ERC2: variants seen among roughly 807,000 people sequenced by gnomAD.
ERC2 encodes ERC protein 2.
In ERC2, 42 loss-of-function variants were observed where a neutral mutation model predicts 114.8. That is an observed-to-expected ratio of 0.37 (90% CI 0.29 to 0.47). The LOEUF is 0.47. Among genes scored for constraint, ERC2 ranks in the 20% least tolerant of loss-of-function variants. ERC2 has a pLI of 0.99. For synonymous variants in ERC2, 454 were observed against 425.5 expected (o/e 1.07, Z -0.82); for missense variants, 939 against 1,150.7 (o/e 0.82, Z 2.66).
At chr3:56,250,334 G>A (rs2052058403) in intron 3 of ERC2, among the ~76,000 whole-genome samples, 1 of 152,214 alleles carries the variant, frequency 6.6e-6, no homozygotes, top group South Asian at 2.1e-4. Context: ...CAAGAGACAG[G>A]AGTAGATCAG....
chr3:56,214,599 T>C (rs1488442248), intron 3 of ERC2, among the ~76,000 whole-genome samples: 1 of 151,830 alleles, frequency 6.6e-6, no homozygotes, highest in Non-Finnish European at 1.5e-5. Flanking sequence ...ACTTCCCCAA[T>C]CTAGCAAGGC....
intron 3 of ERC2, among the ~76,000 whole-genome samples, chr3:56,180,740 A>C (rs1197664502): frequency 6.6e-6 from 1 of 152,218 alleles, no homozygotes; most frequent in Non-Finnish European, 1.5e-5. Context: ...ACAACAATGT[A>C]AATATGCTTA....
chr3:56,115,118 T>C (rs190191640), intron 6 of ERC2, among the ~76,000 whole-genome samples: 5 of 152,298 alleles, frequency 3.3e-5, no homozygotes, highest in African/African-American at 9.6e-5. Flanking sequence ...TCTGGTCTTG[T>C]GGGCCCCAAG....
chr3:55,711,428 C>A (rs1481832332), intron 15 of ERC2, among the ~76,000 whole-genome samples: 1 of 152,162 alleles, frequency 6.6e-6, no homozygotes, highest in Non-Finnish European at 1.5e-5. Flanking sequence ...TTAATGCAAG[C>A]ACAGACACAC....
chr3:55,991,848 G>A (rs1239689598), intron 11 of ERC2, among the ~76,000 whole-genome samples: 3 of 152,170 alleles, frequency 2.0e-5, no homozygotes, highest in Non-Finnish European at 4.4e-5. Context: ...CTTCAACACT[G>A]AAGAAGTATA....
At chr3:55,640,550 A>G (rs17055591) in intron 17 of ERC2, among the ~76,000 whole-genome samples, 2,078 of 152,290 alleles carry the variant, frequency 0.014, 56 homozygotes, top group African/African-American at 0.048. Flanking sequence ...TTCCTCCCCT[A>G]GAGATTGAGA....
chr3:56,284,601 A>G (rs368869803), intron 3 of ERC2, among the ~76,000 whole-genome samples: 1 of 152,346 alleles, frequency 6.6e-6, no homozygotes, highest in East Asian at 1.9e-4. Flanking sequence ...TTTAAAAAAC[A>G]GAAAGGGAGA....
At chr3:55,911,903 C>T (rs188663273) in intron 13 of ERC2, among the ~76,000 whole-genome samples, 2 of 152,174 alleles carry the variant, frequency 1.3e-5, no homozygotes, top group Admixed American at 1.3e-4. Flanking sequence ...GTCAAAGGAG[C>T]AATTTGATTG....
intron 1 of ERC2, among the ~76,000 whole-genome samples, chr3:56,449,674 T>C (rs1169421222): frequency 1.3e-5 from 2 of 152,252 alleles, no homozygotes; most frequent in Non-Finnish European, 2.9e-5. Context: ...CAAAGTATTT[T>C]ACTTCTCTCA....
intron 3 of ERC2, among the ~76,000 whole-genome samples, chr3:56,277,527 C>T (rs1373294530): frequency 6.6e-6 from 1 of 152,122 alleles, no homozygotes; most frequent in African/African-American, 2.4e-5. Context: ...ATACCTCCAC[C>T]CTCCTCATTC....
chr3:55,748,430 AACAGCAGAACTCAGAGACTGCTACC>A (rs1242457592), intron 14 of ERC2, among the ~76,000 whole-genome samples: 2 of 152,192 alleles, frequency 1.3e-5, no homozygotes, highest in Admixed American at 6.5e-5. Context: ...CTGCTTCTCT[AACAGCAGAACTCAGAGACTGCTACC>A]ACAGCAGAAC....
chr3:55,812,699 T>C (rs545813162), intron 14 of ERC2, among the ~76,000 whole-genome samples: 18 of 152,348 alleles, frequency 1.2e-4, no homozygotes, highest in Non-Finnish European at 1.3e-4. Flanking sequence ...TATTAAAAGC[T>C]TGGTAATAAT....
chr3:55,709,008 A>T (rs1188710058), intron 15 of ERC2, among the ~76,000 whole-genome samples: 22 of 152,230 alleles, frequency 1.4e-4, no homozygotes. Context: ...AGTGAAGACA[A>T]CATTTTCATT....
chr3:55,562,201 G>T (rs951303048), intron 17 of ERC2, among the ~76,000 whole-genome samples: 1 of 151,172 alleles, frequency 6.6e-6, no homozygotes, highest in Non-Finnish European at 1.5e-5. Context: ...TCCCAGGCTG[G>T]AGTGCAATGG....
chr3:55,871,660 A>C (rs1350259962), intron 14 of ERC2, among the ~76,000 whole-genome samples: 2 of 152,216 alleles, frequency 1.3e-5, no homozygotes, highest in Non-Finnish European at 2.9e-5. Flanking sequence ...ACTCTAACGA[A>C]GATGTAATTA....
At chr3:55,997,483 A>G (rs971163782) in intron 10 of ERC2, among the ~76,000 whole-genome samples, 5 of 148,934 alleles carry the variant, frequency 3.4e-5, no homozygotes, top group Admixed American at 6.7e-5. Flanking sequence ...GAAAATTTTT[A>G]AGGTGATTAT....
intron 12 of ERC2, among the ~76,000 whole-genome samples, chr3:55,952,982 G>A (rs535379523): frequency 5.9e-5 from 9 of 151,940 alleles, no homozygotes; most frequent in African/African-American, 1.2e-4. Context: ...TCATGAGGTC[G>A]GGAGATCGAG....
intron 12 of ERC2, among the ~76,000 whole-genome samples, chr3:55,973,507 T>C (rs2069334317): frequency 6.6e-6 from 1 of 152,338 alleles, no homozygotes; most frequent in East Asian, 1.9e-4. Context: ...AAAATTGTTT[T>C]TATGATGCCA....
intron 3 of ERC2, among the ~76,000 whole-genome samples, chr3:56,192,432 T>C (rs1240542549): frequency 6.6e-6 from 1 of 152,198 alleles, no homozygotes; most frequent in Non-Finnish European, 1.5e-5. Flanking sequence ...TTATATTCTA[T>C]CCATTTATTT....
Sources: allele counts gnomAD v4.1 joint callset (sites outside exome capture counted in the v4.1 genomes callset), GRCh38; gene constraint gnomAD v4.1.1; transcripts MANE v1.5; gene names NCBI Gene and HGNC (gene_info 2026-07-23, HGNC 2026-07-21).